Variants in STAC2 observed in about 807,000 individuals in gnomAD.
The protein encoded by STAC2 is SH3 and cysteine rich domain 2, also known as SH3 and cysteine-rich domain-containing protein 2.
Under a neutral mutation model 49.0 loss-of-function variants are expected in STAC2, and 36 were observed. The observed-to-expected ratio is 0.74, with a 90% CI of 0.56 to 0.97. The LOEUF (loss-of-function observed/expected upper bound fraction) is 0.97. STAC2 is among the 50% of genes least tolerant of loss of function. The probability of loss-of-function intolerance (pLI) is 0.00; values close to 1 mark genes in which losing one functional copy is unlikely to be tolerated. For synonymous variants in STAC2, 239 were observed against 214.7 expected (o/e 1.11, Z -0.99); for missense variants, 527 against 543.8 (o/e 0.97, Z 0.31).
chr17:39,218,943 A>C (rs1447549680), intron 1 of STAC2, among the ~76,000 whole-genome samples: 1 of 151,784 alleles, frequency 6.6e-6, no homozygotes, highest in Non-Finnish European at 1.5e-5. Flanking sequence ...CTTGGGACTG[A>C]TTCTCCCCGA....
chr17:39,216,910 G>A lies in STAC2; in HGVS notation c.496-10C>T. ...GGCGGAAGGAGGTGGACTATGGCAA[G>A]AGAGGGCAGAGAGGTTTTGAGGAGG... On this transcript the variant is annotated splice_polypyrimidine_tract_variant and intron_variant, in intron 3 of 10. Coordinates refer to ENST00000333461, the MANE Select transcript of STAC2 (RefSeq NM_198993.5). 2 of 1,592,610 alleles carry A rather than the reference G, an allele frequency of 1.3e-6. No individual in the cohort carries two copies. The highest frequency in any genetic ancestry group is 8.6e-7 in the Non-Finnish European group (1 of 1,169,312).
intron 2 of STAC2, among the ~76,000 whole-genome samples, chr17:39,217,464 C>T (rs1402688083): frequency 6.6e-6 from 1 of 152,158 alleles, no homozygotes; most frequent in African/African-American, 2.4e-5. Flanking sequence ...TGGCTCACAT[C>T]TGTAATCCCA....
chr17:39,214,331 C>T lies in STAC2; in HGVS notation c.844-1G>A, dbSNP rs1228027293. The T allele has an allele frequency of 6.2e-7, 1 of 1,613,808 alleles. No homozygotes were observed. Among genetic ancestry groups the T allele is most frequent in the Admixed American group, 1.7e-5 (1 of 59,986 alleles). On this transcript the variant is annotated splice_acceptor_variant, in intron 7 of 10. Coordinates refer to ENST00000333461, the MANE Select transcript of STAC2 (RefSeq NM_198993.5). LOFTEE classifies it high-confidence loss of function. ...CCTTCCGCAGGGTGGCTTTGGGGAG[C>T]TGCGGGAGAATCTCTGGGTCGGTGA...
Position 39,212,014 on chromosome 17 carries a change from G to A in STAC2, c.*278C>T, listed in dbSNP as rs899751010. 52 of 370,646 alleles carry A rather than the reference G, an allele frequency of 1.4e-4. No individual in the cohort carries two copies. Among genetic ancestry groups the A allele is most frequent in the Middle Eastern group, 7.1e-4 (1 of 1,408 alleles). The allele number at this position is 370,646 out of a possible 1,614,324, so 23.0% of individuals were successfully genotyped here. On this transcript the variant is annotated 3_prime_UTR_variant, in exon 11 of 11. Transcript: ENST00000333461. ...GACTCAGCCCAGCAAGTAGACTGGG[G>A]TGCCTGGGCGTTGGGTGGACCTACC...
chr17:39,212,881 C>A (rs932785214), intron 10 of STAC2, 114 bp downstream of exon 10: 3 of 1,499,214 alleles, frequency 2.0e-6, no homozygotes, highest in Non-Finnish European at 2.7e-6. Flanking sequence ...GCTTTCCCCT[C>A]AACTGCCAAG....
intron 1 of STAC2, among the ~76,000 whole-genome samples, chr17:39,221,080 G>C (rs1008816544): frequency 1.3e-5 from 2 of 151,436 alleles, no homozygotes; most frequent in African/African-American, 4.9e-5. Context: ...ACAGGCGTGA[G>C]CCACCATGCC....
chr17:39,212,477 C>T (rs1437491485), intron 10 of STAC2, 81 bp from the exon 11 acceptor site: 8 of 1,100,732 alleles, frequency 7.3e-6, no homozygotes, highest in South Asian at 2.7e-5. Flanking sequence ...CCCCAGGGGA[C>T]CCACCCTGGG....
chr17:39,221,593 T>C (rs1457074102), intron 1 of STAC2, among the ~76,000 whole-genome samples: 1 of 152,296 alleles, frequency 6.6e-6, no homozygotes, highest in African/African-American at 2.4e-5. Context: ...AACTGAGGCT[T>C]ATAAGGGTTA....
chr17:39,212,456 C>A, intron 10 of STAC2, 60 bp from the exon 11 acceptor site: 2 of 1,381,584 alleles, frequency 1.4e-6, no homozygotes, highest in Non-Finnish European at 2.0e-6. Flanking sequence ...GCCCTGAGTC[C>A]TGCCCATGGC....
chr17:39,218,153 G>A lies in STAC2; in HGVS notation c.111C>T (p.Ser37=). ...TTCGGAGGATGGTCTTGAGGGAGAG[G>A]GAGCGCTTGAATCGCTGGAGCTGGG... ...QETKLQRFKR[S]LSLKTILRSK... The change falls in exon 2 of 11, where the codon TCC becomes TCT. Residue 37 remains serine (S), a synonymous_variant. Transcript: ENST00000333461. 1 of 1,613,484 alleles carries A rather than the reference G, an allele frequency of 6.2e-7. No homozygotes were observed. Among genetic ancestry groups the A allele is most frequent in the Non-Finnish European group, 8.5e-7 (1 of 1,180,014 alleles).
chr17:39,217,939 T>A lies in STAC2; in HGVS notation c.325A>T (p.Arg109Trp), dbSNP rs566661783. The A allele has an allele frequency of 3.1e-6, 5 of 1,602,878 alleles. No homozygotes were observed. The highest frequency in any genetic ancestry group is 4.3e-6 in the Non-Finnish European group (5 of 1,175,274). ...PRPLAALKPV[R>W]LHSFQEHVFK... ...ACATGTTCCTGGAAGCTGTGCAGCC[T>A]CACTGGTTTGAGCGCTGCCAGGGGG... is the stretch of plus-strand genomic sequence containing the variant. The change falls in exon 2 of 11, where the codon AGG becomes TGG. Residue 109 changes from arginine (R) to tryptophan (W), a missense_variant. Physicochemically the swap from Arg to Trp is moderately radical, Grantham distance 101 (BLOSUM62 -3). Coordinates refer to ENST00000333461, the MANE Select transcript of STAC2 (RefSeq NM_198993.5).
At chr17:39,213,455 G>T (rs1345899765) in intron 9 of STAC2, 52 bp downstream of exon 9, 2 of 1,605,454 alleles carry the variant, frequency 1.2e-6, no homozygotes, top group Non-Finnish European at 8.5e-7. Flanking sequence ...TGGGGGTGGG[G>T]GCTGCTGGGG....
At chr17:39,220,506 A>G (rs1723992733) in intron 1 of STAC2, among the ~76,000 whole-genome samples, 1 of 149,398 alleles carries the variant, frequency 6.7e-6, no homozygotes, top group African/African-American at 2.5e-5. Context: ...ATGGAGTCTC[A>G]CTCTGTCACC....
Position 39,214,861 on chromosome 17 carries a change from G to T in STAC2, c.773C>A (p.Ala258Glu), listed in dbSNP as rs1455480397. The change falls in exon 7 of 11, where the codon GCA (alanine) becomes GAA (glutamate). Residue 258 changes from alanine to glutamate, a missense_variant and splice_region_variant. Transcript: ENST00000333461. ...RSSEEGPGDS[A>E]SPVFTAPAES... is the part of the protein sequence containing the mutation. ...TGCTGGGGCTGTGAATACTGGAGAT[G>T]CTAGGGGCAGGAGAGGGAAAGGGTG... 3 of 1,613,948 alleles carry T rather than the reference G, an allele frequency of 1.9e-6. No individual in the cohort carries two copies. Among genetic ancestry groups the T allele is most frequent in the Non-Finnish European group, 1.7e-6 (2 of 1,179,984 alleles).
intron 1 of STAC2, among the ~76,000 whole-genome samples, chr17:39,219,785 C>G (rs889258372): frequency 1.3e-5 from 2 of 152,234 alleles, no homozygotes; most frequent in Non-Finnish European, 2.9e-5. Flanking sequence ...TTGGCCGTCT[C>G]CCTTCCCGTT....
intron 2 of STAC2, 106 bp downstream of exon 2, chr17:39,217,761 G>C (rs1274633295): frequency 8.6e-6 from 10 of 1,159,238 alleles, no homozygotes; most frequent in Middle Eastern, 2.9e-4. Flanking sequence ...TTAGTATTGG[G>C]GCTCCTGAAC....
chr17:39,214,470 C>G (rs1597731487), intron 7 of STAC2, 140 bp from the exon 8 acceptor site: 4 of 1,477,272 alleles, frequency 2.7e-6, no homozygotes, highest in Admixed American at 4.5e-5. Context: ...AAGTGAGACC[C>G]TCGTACATGC....
chr17:39,216,186 T>C (rs898568013), intron 4 of STAC2, among the ~76,000 whole-genome samples: 11 of 151,978 alleles, frequency 7.2e-5, no homozygotes, highest in South Asian at 4.2e-4. Context: ...CTCACCATGT[T>C]GCCCAGGCTG....
chr17:39,213,475 G>T (rs780253162), intron 9 of STAC2, 32 bp downstream of exon 9: 7 of 1,612,736 alleles, frequency 4.3e-6, no homozygotes, highest in Non-Finnish European at 5.9e-6. Context: ...GTGCCTACCA[G>T]TGTCCCTCCA....
Sources: allele counts gnomAD v4.1 joint callset (sites outside exome capture counted in the v4.1 genomes callset), GRCh38; gene constraint gnomAD v4.1.1; transcripts MANE v1.5; gene names NCBI Gene and HGNC (gene_info 2026-07-23, HGNC 2026-07-21).